Variants in SLC25A36 observed in about 807,000 individuals in gnomAD.
The protein encoded by SLC25A36 is epididymis secretory sperm binding protein.
In SLC25A36, 24 loss-of-function variants were observed where a neutral mutation model predicts 35.3. The observed-to-expected ratio is 0.68, with a 90% CI of 0.49 to 0.96. The LOEUF (loss-of-function observed/expected upper bound fraction) is 0.96. Ranked by LOEUF, SLC25A36 falls within the 40% of genes least tolerant of loss-of-function variation. SLC25A36 has a pLI of 0.00. For missense variants in SLC25A36, 294 were observed against 381.1 expected (o/e 0.77, Z 1.90); for synonymous variants, 141 against 132.2 (o/e 1.07, Z -0.46).
At chr3:140,974,641 C>G (rs1934989712) in intron 6 of SLC25A36, among the ~76,000 whole-genome samples, 1 of 152,146 alleles carries the variant, frequency 6.6e-6, no homozygotes, top group Admixed American at 6.5e-5. Flanking sequence ...AAGAATTTAT[C>G]TGCTACATGC....
chr3:140,973,417 A>G (rs1159615358), intron 5 of SLC25A36, among the ~76,000 whole-genome samples: 3 of 152,168 alleles, frequency 2.0e-5, no homozygotes, highest in African/African-American at 7.2e-5. Context: ...GTCAGGGTGT[A>G]TAGTTCCTAA....
At chr3:140,961,073 C>G (rs1934614681) in intron 3 of SLC25A36, among the ~76,000 whole-genome samples, 1 of 152,156 alleles carries the variant, frequency 6.6e-6, no homozygotes, top group Non-Finnish European at 1.5e-5. Context: ...CTTTCTGTAT[C>G]CAAACCATGT....
chr3:140,968,497 G>A, intron 4 of SLC25A36: 1 of 982,360 alleles, frequency 1.0e-6, no homozygotes, highest in Non-Finnish European at 1.2e-6. Flanking sequence ...AGGTTAATTT[G>A]TGCTTGGAAA....
At chr3:140,954,596 A>G (rs971946467) in intron 1 of SLC25A36, among the ~76,000 whole-genome samples, 2 of 152,246 alleles carry the variant, frequency 1.3e-5, no homozygotes, top group Non-Finnish European at 2.9e-5. Context: ...GTAGTATCTT[A>G]TAATGGATCT....
In SLC25A36 at chr3:140,975,206, CAATT is replaced by C. The variant is rs576553325; in HGVS notation, c.743-1050_743-1047del. On this transcript the variant is annotated intron_variant, in intron 6 of 6. Coordinates refer to ENST00000324194, the MANE Select transcript of SLC25A36 (RefSeq NM_001104647.3). ...CCCTGCAACCTTGAACTCCAAGGCT[CAATT>C]AATCCTCCTGCCCCAGCCTCCCAAG... 1.6e-3 allele frequency among the ~76,000 whole-genome samples: 215 copies of C among 138,428 alleles called. 5 individuals carry two copies. The South Asian group carries it at 0.049, about 32-fold the overall frequency. 90.8% of individuals were successfully genotyped at this position (138,428 alleles called of 152,430 possible).
chr3:140,978,707 A>G lies in SLC25A36; in HGVS notation c.*2254A>G, dbSNP rs141914799. On this transcript the variant is annotated 3_prime_UTR_variant, in exon 7 of 7. Coordinates refer to ENST00000324194, the MANE Select transcript of SLC25A36 (RefSeq NM_001104647.3). ...AAGCAAAGAAATCTTAGAGTCTTGGACATTGTTTATTTGTGCAACAACTAG... is the reference window on the plus strand; with the variant it reads ...AAGCAAAGAAATCTTAGAGTCTTGGGCATTGTTTATTTGTGCAACAACTAG... 2.6e-5 allele frequency: 4 copies of G among 152,324 alleles called. No individual in the cohort carries two copies. Among genetic ancestry groups the G allele is most frequent in the African/African-American group, 4.8e-5 (2 of 41,584 alleles). 9.4% of individuals were successfully genotyped at this position (152,324 alleles called of 1,614,324 possible).
At chr3:140,946,678 T>G (rs59221985) in intron 1 of SLC25A36, among the ~76,000 whole-genome samples, 11,364 of 152,106 alleles carry the variant, frequency 0.075, 536 homozygotes, top group East Asian at 0.16. Context: ...CTCCAGGGTT[T>G]TTAGTTTGGG....
intron 2 of SLC25A36, chr3:140,956,921 T>C: frequency 1.5e-6 from 1 of 658,962 alleles, no homozygotes. Flanking sequence ...AGAATATTTC[T>C]ACATTTATCC....
intron 4 of SLC25A36, chr3:140,968,007 C>T (rs1464005520): frequency 3.0e-6 from 3 of 984,812 alleles, no homozygotes; most frequent in East Asian, 1.1e-4. Flanking sequence ...ATTTCAGGGG[C>T]ACCATTCCCA....
chr3:140,963,094 A>G (rs751475023), intron 3 of SLC25A36, 33 bp from the exon 4 acceptor site: 6 of 1,337,296 alleles, frequency 4.5e-6, no homozygotes, highest in Non-Finnish European at 5.1e-6. Flanking sequence ...CATTAAGAAC[A>G]TGCTTATTGA....
At chr3:140,943,931 A>G (rs1255570411) in intron 1 of SLC25A36, among the ~76,000 whole-genome samples, 1 of 152,164 alleles carries the variant, frequency 6.6e-6, no homozygotes, top group Non-Finnish European at 1.5e-5. Context: ...TAGCATCTAA[A>G]CACACAGATT....
intron 1 of SLC25A36, among the ~76,000 whole-genome samples, chr3:140,954,943 TG>T (rs1389847743): frequency 3.3e-5 from 5 of 152,284 alleles, no homozygotes; most frequent in African/African-American, 7.2e-5. Flanking sequence ...TTTTTCCAGA[TG>T]TTTTTTTCCT....
intron 3 of SLC25A36, among the ~76,000 whole-genome samples, chr3:140,960,314 ACT>A (rs1186913259): frequency 6.6e-6 from 1 of 152,122 alleles, no homozygotes; most frequent in African/African-American, 2.4e-5. Flanking sequence ...AAAAATTTTG[ACT>A]CTAAGAAAGG....
chr3:140,968,158 G>C (rs1934810604), intron 4 of SLC25A36: 1 of 945,560 alleles, frequency 1.1e-6, no homozygotes, highest in Non-Finnish European at 1.3e-6. Context: ...TAGATTATTA[G>C]ATTATATTTA....
chr3:140,943,702 T>G (rs1242557135), intron 1 of SLC25A36, among the ~76,000 whole-genome samples: 1 of 152,178 alleles, frequency 6.6e-6, no homozygotes, highest in Non-Finnish European at 1.5e-5. Flanking sequence ...GAGGTTGTAT[T>G]ATATGATCTC....
At chr3:140,963,257 A>C (rs1934676132) in intron 4 of SLC25A36, 30 bp downstream of exon 4, 12 of 1,366,478 alleles carry the variant, frequency 8.8e-6, no homozygotes, top group South Asian at 1.3e-5. Context: ...AAAAAAAAAA[A>C]AACTTTCTGA....
At chr3:140,966,701 A>G (rs769217473) in intron 4 of SLC25A36, 22 of 346,942 alleles carry the variant, frequency 6.3e-5, no homozygotes, top group Non-Finnish European at 9.1e-5. Flanking sequence ...TCTTTTAGGT[A>G]AGTATTTAGA....
intron 1 of SLC25A36, among the ~76,000 whole-genome samples, chr3:140,950,910 C>CTGTGTG (rs1439657339): frequency 9.0e-6 from 1 of 110,546 alleles, no homozygotes; most frequent in African/African-American, 5.2e-5. Flanking sequence ...CTGTGTGTGT[C>CTGTGTG]TGTGTGTCTG....
intron 1 of SLC25A36, among the ~76,000 whole-genome samples, chr3:140,948,391 C>T (rs188739949): frequency 6.6e-6 from 1 of 150,982 alleles, no homozygotes; most frequent in Non-Finnish European, 1.5e-5. Context: ...ACTGCGTTAG[C>T]CAGGTTGGTC....
Sources: allele counts gnomAD v4.1 joint callset (sites outside exome capture counted in the v4.1 genomes callset), GRCh38; gene constraint gnomAD v4.1.1; transcripts MANE v1.5; gene names NCBI Gene and HGNC (gene_info 2026-07-23, HGNC 2026-07-21).